Variants in ZNF385D observed in about 807,000 individuals in gnomAD.
ZNF385D encodes the protein zinc finger protein 385D, also known as zinc finger protein 659.
Under a neutral mutation model 35.8 loss-of-function variants are expected in ZNF385D, and 15 were observed. The observed-to-expected ratio is 0.42, with a 90% CI of 0.28 to 0.64. The LOEUF (loss-of-function observed/expected upper bound fraction) is 0.64. ZNF385D is among the 30% of genes least tolerant of loss of function. ZNF385D has a pLI of 0.23. For missense variants in ZNF385D, 474 were observed against 494.6 expected (o/e 0.96, Z 0.39); for synonymous variants, 212 against 186.8 (o/e 1.13, Z -1.10).
At chr3:22,252,223 A>G (rs568307526) in intron 2 of ZNF385D, among the ~76,000 whole-genome samples, 20 of 152,170 alleles carry the variant, frequency 1.3e-4, no homozygotes, top group African/African-American at 4.3e-4. Flanking sequence ...TGCTTAGCAC[A>G]TGTTTTAGCC....
chr3:21,741,711 A>G (rs894753762), intron 1 of ZNF385D, among the ~76,000 whole-genome samples: 5 of 152,182 alleles, frequency 3.3e-5, no homozygotes, highest in East Asian at 3.9e-4. Flanking sequence ...AGGAATAGAT[A>G]AAAATCAATA....
chr3:21,813,959 C>T (rs1050660166), intron 3 of ZNF385D, among the ~76,000 whole-genome samples: 36 of 152,236 alleles, frequency 2.4e-4, no homozygotes, highest in African/African-American at 7.9e-4. Context: ...AGAGAAAGGT[C>T]GGGTTACCCA....
rs529544735 is a variant in ZNF385D, at chr3:21,947,457, TCTC to T, written c.325+221357_325+221359del. Among the ~76,000 whole-genome samples, 122 of 152,206 alleles carry T rather than the reference TCTC, an allele frequency of 8.0e-4. 2 individuals carry two copies. The South Asian group carries it at 0.012, about 15-fold the overall frequency. ...CCTCCGCCTCCTGGGTTCAAGCCAT[TCTC>T]CTGCCTCAGCCTCCTGAGTCGCTGG... On this transcript the variant is annotated intron_variant, in intron 3 of 5. Transcript: ENST00000494108.
chr3:21,757,120 C>CTCTTTTTTT (rs1194556367), intron 3 of ZNF385D, among the ~76,000 whole-genome samples: 2 of 106,408 alleles, frequency 1.9e-5, no homozygotes, highest in Non-Finnish European at 3.6e-5. Flanking sequence ...ATAAATTTCT[C>CTCTTTTTTT]TTTTTTTTTT....
At chr3:21,967,538 T>C (rs188612211) in intron 3 of ZNF385D, among the ~76,000 whole-genome samples, 1 of 152,336 alleles carries the variant, frequency 6.6e-6, no homozygotes, top group East Asian at 1.9e-4. Flanking sequence ...GGCCAGTTCC[T>C]GGAGAGAAGG....
intron 3 of ZNF385D, among the ~76,000 whole-genome samples, chr3:21,813,329 C>T (rs1336850304): frequency 6.6e-6 from 1 of 152,174 alleles, no homozygotes; most frequent in South Asian, 2.1e-4. Flanking sequence ...AGCAATGGAA[C>T]AAAGCTGGAC....
chr3:21,812,973 T>C (rs1446727392), intron 3 of ZNF385D, among the ~76,000 whole-genome samples: 1 of 152,106 alleles, frequency 6.6e-6, no homozygotes, highest in Admixed American at 6.5e-5. Flanking sequence ...CTCATACAGC[T>C]GGGTGCGCCT....
chr3:22,360,508 C>T (rs1696363496), intron 2 of ZNF385D, among the ~76,000 whole-genome samples: 1 of 151,904 alleles, frequency 6.6e-6, no homozygotes, highest in Non-Finnish European at 1.5e-5. Flanking sequence ...GGATAATCAT[C>T]CAAATTTTAA....
intron 2 of ZNF385D, among the ~76,000 whole-genome samples, chr3:22,207,527 T>C (rs1387407263): frequency 6.6e-6 from 1 of 151,944 alleles, no homozygotes; most frequent in Non-Finnish European, 1.5e-5. Context: ...CACATTGGAC[T>C]GGGCAAAGAT....
intron 3 of ZNF385D, among the ~76,000 whole-genome samples, chr3:21,966,645 A>T (rs1423031007): frequency 6.6e-6 from 1 of 152,114 alleles, no homozygotes; most frequent in Non-Finnish European, 1.5e-5. Context: ...GCAGTGGTGC[A>T]ATCTCGGTTC....
chr3:21,608,281 T>C (rs962177032), intron 2 of ZNF385D, among the ~76,000 whole-genome samples: 11 of 152,296 alleles, frequency 7.2e-5, no homozygotes, highest in Admixed American at 4.6e-4. Flanking sequence ...AGTGCTGGGA[T>C]TACAGGCGTG....
chr3:21,855,576 T>C (rs986487891), intron 3 of ZNF385D, among the ~76,000 whole-genome samples: 1 of 151,520 alleles, frequency 6.6e-6, no homozygotes, highest in Non-Finnish European at 1.5e-5. Flanking sequence ...CAGTTTTTAG[T>C]TTTCCTCACC....
At chr3:21,492,304 A>G (rs1371143826) in intron 4 of ZNF385D, among the ~76,000 whole-genome samples, 3 of 152,152 alleles carry the variant, frequency 2.0e-5, no homozygotes, top group Non-Finnish European at 2.9e-5. Flanking sequence ...ATTAAAAACC[A>G]ATAGCTAAAT....
At chr3:21,930,171 G>A (rs114737224) in intron 3 of ZNF385D, among the ~76,000 whole-genome samples, 2,622 of 151,880 alleles carry the variant, frequency 0.017, 74 homozygotes, top group African/African-American at 0.06. Context: ...CAACAGGAAT[G>A]CCAAGAAAGT....
intron 3 of ZNF385D, among the ~76,000 whole-genome samples, chr3:21,865,522 G>T (rs1049690944): frequency 6.6e-6 from 1 of 152,120 alleles, no homozygotes; most frequent in Non-Finnish European, 1.5e-5. Context: ...AGAACTTGCA[G>T]ATCTTCCTTA....
intron 2 of ZNF385D, among the ~76,000 whole-genome samples, chr3:22,171,862 G>A (rs570959053): frequency 2.8e-4 from 37 of 129,846 alleles, no homozygotes; most frequent in Non-Finnish European, 5.6e-4. Context: ...GGGCAACAGA[G>A]CAAGACTCGG....
chr3:22,092,044 T>C (rs1162877266), intron 3 of ZNF385D, among the ~76,000 whole-genome samples: 2 of 152,156 alleles, frequency 1.3e-5, no homozygotes, highest in East Asian at 1.9e-4. Flanking sequence ...TAGGTGGAAA[T>C]ACAGAGTTGT....
At chr3:22,088,625 T>C (rs547117819) in intron 3 of ZNF385D, among the ~76,000 whole-genome samples, 89 of 152,136 alleles carry the variant, frequency 5.9e-4, no homozygotes, top group Non-Finnish European at 1.1e-3. Context: ...CAATAACTTG[T>C]AGATGTGCCA....
chr3:21,617,671 T>C (rs2064887657), intron 2 of ZNF385D, among the ~76,000 whole-genome samples: 1 of 152,196 alleles, frequency 6.6e-6, no homozygotes, highest in South Asian at 2.1e-4. Context: ...GAATAAATGC[T>C]CTTGGCCACT....
Sources: gnomAD v4.1 joint callset for allele counts (sites outside exome capture counted in the v4.1 genomes callset) on GRCh38, gnomAD v4.1.1 for gene constraint, MANE v1.5 for transcripts, NCBI Gene and HGNC (gene_info 2026-07-23, HGNC 2026-07-21) for gene names.